ZER1: variants seen among roughly 807,000 people sequenced by gnomAD.
The protein encoded by ZER1 is protein zer-1 homolog.
ZER1 carries 11 observed loss-of-function variants against 78.8 expected under a neutral mutation model. The ratio of observed to expected loss-of-function variants is 0.14; its 90% CI spans 0.09 to 0.23. ZER1 has a LOEUF of 0.23. Among genes scored for constraint, ZER1 ranks in the 10% least tolerant of loss-of-function variants. The pLI is 1.00. For missense variants in ZER1, 588 were observed against 996.9 expected, an observed-to-expected ratio of 0.59 and a Z score of 5.52; for synonymous variants, 400 against 407.0, an observed-to-expected ratio of 0.98 and a Z score of 0.21.
intron 13 of ZER1, among the ~76,000 whole-genome samples, chr9:128,735,870 T>A (rs1272128990): frequency 7.0e-6 from 1 of 143,330 alleles, no homozygotes; most frequent in Non-Finnish European, 1.5e-5. Context: ...CTCTGCCTCC[T>A]GGGTTCAAGC....
At chr9:128,759,337 AT>A (rs35419870) in intron 1 of ZER1, among the ~76,000 whole-genome samples, 21,084 of 133,020 alleles carry the variant, frequency 0.16, 1,576 homozygotes, top group African/African-American at 0.22. Context: ...CACCCAGCTA[AT>A]TTTTTTTTTT....
At chr9:128,745,463 T>G (rs1863457708) in intron 8 of ZER1, among the ~76,000 whole-genome samples, 1 of 151,578 alleles carries the variant, frequency 6.6e-6, no homozygotes, top group African/African-American at 2.4e-5. Flanking sequence ...GTGCAAGCGA[T>G]TCTCCCGTCT....
chr9:128,746,447 C>T lies in ZER1; in HGVS notation c.1360-3702G>A, dbSNP rs114587165. ...AGTCTCCAACTAGTCTTCTTTTTCT[C>T]TCTTCTTTTCCTTTTTTTTTTTTTT... On this transcript the variant is annotated intron_variant, in intron 8 of 15. Coordinates refer to ENST00000291900, the MANE Select transcript of ZER1 (RefSeq NM_006336.4). Among the ~76,000 whole-genome samples the T allele has an allele frequency of 3.9e-3, 584 of 148,676 alleles. 2 individuals carry two copies. Among genetic ancestry groups the T allele is most frequent in the African/African-American group, 0.013 (517 of 40,580 alleles).
chr9:128,753,438 C>T lies in ZER1; in HGVS notation c.472G>A (p.Val158Ile), dbSNP rs1486470998. The change falls in exon 4 of 16, where the codon GTC becomes ATC. Residue 158 changes from valine (V) to isoleucine (I), a missense_variant. Val to Ile is a conservative substitution (Grantham distance 29). Transcript: ENST00000291900. The surrounding 1 kb of genome is among the most constrained non-coding windows in gnomAD (Gnocchi z 7.5). ...NPGGCEDEYL[V>I]NPTCQVLVKD... Reference sequence around the variant, plus strand: ...ACCAGCACCTGGCAGGTGGGGTTGACGAGGTACTCATCTTCACAGCCCCCT... The same window carrying T: ...ACCAGCACCTGGCAGGTGGGGTTGATGAGGTACTCATCTTCACAGCCCCCT... 3.1e-6 allele frequency: 5 copies of T among 1,614,172 alleles called. No homozygotes were observed. The highest frequency in any genetic ancestry group is 4.5e-5 in the East Asian group (2 of 44,886).
intron 13 of ZER1, among the ~76,000 whole-genome samples, chr9:128,736,773 G>C (rs1863099221): frequency 6.7e-6 from 1 of 149,674 alleles, no homozygotes; most frequent in Non-Finnish European, 1.5e-5. Flanking sequence ...TCCAGGCCAT[G>C]CAAGTGTTCC....
chr9:128,764,752 T>C (rs893483161), intron 1 of ZER1, among the ~76,000 whole-genome samples: 3 of 152,174 alleles, frequency 2.0e-5, no homozygotes, highest in Non-Finnish European at 4.4e-5. Flanking sequence ...CCTTAGGGAT[T>C]GTCATTCTCA....
chr9:128,752,596 C>T, intron 5 of ZER1, 77 bp downstream of exon 5: 3 of 1,456,402 alleles, frequency 2.1e-6, no homozygotes, highest in Non-Finnish European at 1.8e-6. Context: ...GCTGGGATTA[C>T]AGGCGTGAGC....
At chr9:128,733,215 T>C in intron 15 of ZER1, 1 of 509,666 alleles carries the variant, frequency 2.0e-6, no homozygotes, top group East Asian at 2.9e-5. Flanking sequence ...GATGCTCCGT[T>C]CCGAGCTTGG....
At chr9:128,765,321 T>C (rs1043291079) in intron 1 of ZER1, among the ~76,000 whole-genome samples, 2 of 152,164 alleles carry the variant, frequency 1.3e-5, no homozygotes, top group East Asian at 1.9e-4. Flanking sequence ...TGGTGTTTAA[T>C]AGAACAAAGG....
intron 15 of ZER1, 33 bp downstream of exon 15, chr9:128,733,393 G>T (rs1230023542): frequency 6.2e-7 from 1 of 1,604,956 alleles, no homozygotes; most frequent in Non-Finnish European, 8.5e-7. Flanking sequence ...CTAAACCAAG[G>T]TTCCAGGCAG....
intron 9 of ZER1, 102 bp downstream of exon 9, chr9:128,742,428 A>G: frequency 7.2e-7 from 1 of 1,380,420 alleles, no homozygotes; most frequent in Admixed American, 1.9e-5. Flanking sequence ...TCCCTCTCCG[A>G]CTCCCAGCCC....
chr9:128,745,208 T>G (rs1448302744), intron 8 of ZER1, among the ~76,000 whole-genome samples: 1 of 150,582 alleles, frequency 6.6e-6, no homozygotes, highest in Non-Finnish European at 1.5e-5. Flanking sequence ...GGTTTTTTTT[T>G]TTTTTTTTTT....
At position 128,729,993 on chromosome 9, in the gene ZER1, G is replaced by A. The variant is rs2132365737; in HGVS notation, c.*1344C>T. 1 of 152,482 alleles carries A rather than the reference G, an allele frequency of 6.6e-6. No individual in the cohort carries two copies. The highest frequency in any genetic ancestry group is 2.4e-5 in the African/African-American group (1 of 41,586). The allele number at this position is 152,482 out of a possible 1,614,324, so 9.4% of individuals were successfully genotyped here. A position where few individuals can be genotyped will look rare whatever the true frequency, so the allele number is the denominator to read the frequency against. On this transcript the variant is annotated 3_prime_UTR_variant, in exon 16 of 16. Coordinates refer to ENST00000291900, the MANE Select transcript of ZER1 (RefSeq NM_006336.4). ...GCCCACTTCCCAGGGCCGGGAGGGA[G>A]AGGCTCCAGGAGAAAAAGGCCAGGT...
intron 9 of ZER1, 130 bp downstream of exon 9, chr9:128,742,400 T>A: frequency 9.4e-7 from 1 of 1,061,250 alleles, no homozygotes; most frequent in Non-Finnish European, 1.4e-6. Flanking sequence ...CCTAAATCCC[T>A]CATGCTTCAG....
chr9:128,761,154 T>C (rs1389181605), intron 1 of ZER1, among the ~76,000 whole-genome samples: 1 of 135,790 alleles, frequency 7.4e-6, no homozygotes, highest in African/African-American at 2.7e-5. Context: ...CCAGACTCTG[T>C]CTCAAAAAAA....
In ZER1 at chr9:128,741,782, C is replaced by T. The variant is rs776064726; in HGVS notation, c.1617+18G>A. On this transcript the variant is annotated intron_variant, in intron 10 of 15. Coordinates refer to ENST00000291900, the MANE Select transcript of ZER1 (RefSeq NM_006336.4). ...AGGTGGGGAAAGGGTAGCGTGGCTT[C>T]GTGAAGACTTGACTTACTGTCTTGT... 10 of 1,614,078 alleles carry T rather than the reference C, an allele frequency of 6.2e-6. No individual in the cohort carries two copies. The East Asian group carries it at 8.9e-5, about 14-fold the overall frequency.
In ZER1 at chr9:128,751,810, A is replaced by G. The variant is rs906892630; in HGVS notation, c.924-283T>C. Among the ~76,000 whole-genome samples, 2 of 152,194 alleles carry G rather than the reference A, an allele frequency of 1.3e-5. No individual in the cohort carries two copies. The highest frequency in any genetic ancestry group is 2.9e-5 in the Non-Finnish European group (2 of 68,042). ...GCACCTTTAGGTCTCACCAACAATCACAAAGGGACAAGCTCAACTGAACAC... is the reference window on the plus strand; with the variant it reads ...GCACCTTTAGGTCTCACCAACAATCGCAAAGGGACAAGCTCAACTGAACAC... On this transcript the variant is annotated intron_variant, in intron 5 of 15. Transcript: ENST00000291900. This position sits in a 1 kb window ranked among gnomAD's most constrained non-coding sequence, Gnocchi z 5.4.
At position 128,740,620 on chromosome 9, in the gene ZER1, C is replaced by A. The variant is rs139540251; in HGVS notation, c.1853+152G>T. 1 of 562,092 alleles carries A rather than the reference C, an allele frequency of 1.8e-6. No individual in the cohort carries two copies. The highest frequency in any genetic ancestry group is 3.2e-6 in the Non-Finnish European group (1 of 314,376). 34.8% of individuals were successfully genotyped at this position (562,092 alleles called of 1,614,324 possible). A position where few individuals can be genotyped will look rare whatever the true frequency, so the allele number is the denominator to read the frequency against. On this transcript the variant is annotated intron_variant, in intron 12 of 15. Transcript: ENST00000291900. This position sits in a 1 kb window ranked among gnomAD's most constrained non-coding sequence, Gnocchi z 4.4. ...GATATAATTACAAAAGGACCACTTA[C>A]GAAGGATTGAATGAATAAGAAACCA... is the stretch of plus-strand genomic sequence containing the variant.
At chr9:128,758,356 C>A (rs1232288953) in intron 1 of ZER1, among the ~76,000 whole-genome samples, 1 of 151,822 alleles carries the variant, frequency 6.6e-6, no homozygotes, top group Non-Finnish European at 1.5e-5. Context: ...GAACTCCTGA[C>A]CTCAGGTGAT....
Sources: allele counts gnomAD v4.1 joint callset (sites outside exome capture counted in the v4.1 genomes callset), GRCh38; gene constraint gnomAD v4.1.1; non-coding constraint Gnocchi (gnomAD v3.1); transcripts MANE v1.5; gene names NCBI Gene and HGNC (gene_info 2026-07-23, HGNC 2026-07-21).